Variants in UNC13C observed in about 807,000 individuals in gnomAD.
UNC13C encodes the protein unc-13 homolog C.
UNC13C carries 174 observed loss-of-function variants against 245.4 expected under a neutral mutation model. The ratio of observed to expected loss-of-function variants is 0.71; its 90% CI spans 0.63 to 0.80. The LOEUF is 0.80. Ranked by LOEUF, UNC13C falls within the 30% of genes least tolerant of loss-of-function variation. The pLI is 0.00. For synonymous variants in UNC13C, 992 were observed against 895.1 expected, an observed-to-expected ratio of 1.11 and a Z score of -1.93; for missense variants, 2,829 against 2,602.9, an observed-to-expected ratio of 1.09 and a Z score of -1.89.
intron 19 of UNC13C, among the ~76,000 whole-genome samples, chr15:54,448,398 T>C (rs1890956884): frequency 6.6e-6 from 1 of 152,190 alleles, no homozygotes; most frequent in African/African-American, 2.4e-5. Context: ...ATTATTATTG[T>C]TTGGGAGTCT....
chr15:54,591,728 A>G lies in UNC13C; in HGVS notation c.6106+23781A>G, dbSNP rs147985720. 9.7e-3 allele frequency among the ~76,000 whole-genome samples: 1,473 copies of G among 152,080 alleles called. 25 individuals are homozygous for G. Among genetic ancestry groups the G allele is most frequent in the African/African-American group, 0.034 (1,431 of 41,500 alleles). On this transcript the variant is annotated intron_variant, in intron 30 of 32. Transcript: ENST00000260323. ...GTCCATCAATTTTATTTATCTTTCC[A>G]AATAACCAGCTTTTTTTTTCATTTA...
chr15:53,955,468 T>C, the UNC13C span, among the ~76,000 whole-genome samples: 2 of 152,212 alleles, frequency 1.3e-5, no homozygotes, highest in Non-Finnish European at 1.5e-5. Context: ...TAAGTAGGAA[T>C]TGAGAAAAGT....
At chr15:54,614,088 TA>T (rs779418840) in intron 30 of UNC13C, among the ~76,000 whole-genome samples, 9 of 151,990 alleles carry the variant, frequency 5.9e-5, no homozygotes, top group Non-Finnish European at 1.2e-4. Context: ...TTTTAACTCT[TA>T]ATCAGATACA....
intron 2 of UNC13C, among the ~76,000 whole-genome samples, chr15:54,077,196 C>A (rs1898673230): frequency 6.6e-6 from 1 of 152,008 alleles, no homozygotes; most frequent in Non-Finnish European, 1.5e-5. Flanking sequence ...TAGGCCATTT[C>A]TTACTGAATA....
chr15:54,540,776 A>G (rs1294301080), intron 26 of UNC13C, among the ~76,000 whole-genome samples: 1 of 152,066 alleles, frequency 6.6e-6, no homozygotes, highest in Non-Finnish European at 1.5e-5. Context: ...GCACGTGACA[A>G]TGATTTTATT....
At chr15:54,216,494 T>G (rs2035042656) in intron 4 of UNC13C, among the ~76,000 whole-genome samples, 1 of 151,904 alleles carries the variant, frequency 6.6e-6, no homozygotes, top group Admixed American at 6.6e-5. Flanking sequence ...ATGTGAAAAC[T>G]TTTAAAAAAT....
chr15:54,415,028 T>A lies in UNC13C; in HGVS notation c.4894T>A (p.Trp1632Arg). ...GGGAAAAATAAGTGCCGAAATTATG[T>A]GGACTCTTTTTGCTCTGGATATGAA... ...NMGKISAEIMWTLFALDMKYA... is the reference protein window; with the variant it reads ...NMGKISAEIMRTLFALDMKYA... Residue 1632 changes from tryptophan to arginine, a missense_variant, in exon 19 of 33, where the codon TGG becomes AGG. By Grantham distance (101) the Trp-to-Arg change is moderately radical (BLOSUM62 -3). Coordinates refer to ENST00000260323, the MANE Select transcript of UNC13C (RefSeq NM_001080534.3). 6.2e-7 allele frequency: 1 copy of A among 1,612,870 alleles called. No individual in the cohort carries two copies. The highest frequency in any genetic ancestry group is 8.5e-7 in the Non-Finnish European group (1 of 1,179,440).
chr15:53,877,215 C>G, the UNC13C span, among the ~76,000 whole-genome samples: 2 of 152,046 alleles, frequency 1.3e-5, no homozygotes, highest in African/African-American at 4.8e-5. Flanking sequence ...ATTTGATTAG[C>G]TGAATTATGC....
At chr15:54,151,957 A>G (rs993319502) in intron 4 of UNC13C, among the ~76,000 whole-genome samples, 1 of 152,188 alleles carries the variant, frequency 6.6e-6, no homozygotes, top group Non-Finnish European at 1.5e-5. Flanking sequence ...TCTGTGAGCC[A>G]CTAACTCGAC....
At chr15:53,844,853 T>G in the UNC13C span, among the ~76,000 whole-genome samples, 1 of 152,124 alleles carries the variant, frequency 6.6e-6, no homozygotes, top group Non-Finnish European at 1.5e-5. Context: ...CCTTGAGCTG[T>G]GAGAAGCCAT....
chr15:54,384,078 AC>A (rs1375029496), intron 17 of UNC13C, among the ~76,000 whole-genome samples: 1 of 152,192 alleles, frequency 6.6e-6, no homozygotes, highest in Non-Finnish European at 1.5e-5. Flanking sequence ...AAATGACCAT[AC>A]TACCCAAAGC....
At chr15:53,973,964 G>T (rs964196820), upstream of UNC13C, among the ~76,000 whole-genome samples, 4 of 151,972 alleles carry the variant, frequency 2.6e-5, no homozygotes, top group Admixed American at 2.6e-4. Context: ...TGCTTTACAG[G>T]GGAACCAGTT....
At position 54,222,885 on chromosome 15, in the gene UNC13C, A is replaced by G. The variant is rs575391511; in HGVS notation, c.3072-12145A>G. ...TTTCATATACCTTCTTGCCATTTGT[A>G]TGTCTTCATTGAGAAATGTCTATTC... On this transcript the variant is annotated intron_variant, in intron 4 of 32. Transcript: ENST00000260323. Among the ~76,000 whole-genome samples the G allele has an allele frequency of 9.9e-5, 15 of 152,120 alleles. No homozygotes were observed. The Middle Eastern group carries it at 0.01, about 103-fold the overall frequency.
At chr15:54,016,093 G>C (rs1895644029) in intron 2 of UNC13C, among the ~76,000 whole-genome samples, 1 of 152,140 alleles carries the variant, frequency 6.6e-6, no homozygotes, top group Non-Finnish European at 1.5e-5. Context: ...TATGTTAAAT[G>C]GGTCATATTG....
At chr15:54,485,269 TATCTATTC>T in intron 19 of UNC13C, among the ~76,000 whole-genome samples, 1 of 152,360 alleles carries the variant, frequency 6.6e-6, no homozygotes, top group African/African-American at 2.4e-5. Flanking sequence ...TTCATCCATT[TATCTATTC>T]ATCTATTCAT....
At chr15:54,084,666 A>G (rs1456192424) in intron 2 of UNC13C, among the ~76,000 whole-genome samples, 1 of 152,226 alleles carries the variant, frequency 6.6e-6, no homozygotes, top group Admixed American at 6.5e-5. Context: ...AATATTCAAT[A>G]AGAAAGTATA....
intron 2 of UNC13C, among the ~76,000 whole-genome samples, chr15:54,028,896 TC>T (rs1166267392): frequency 6.6e-6 from 1 of 152,062 alleles, no homozygotes; most frequent in Non-Finnish European, 1.5e-5. Flanking sequence ...GTGCTCCATT[TC>T]CTCACTTAAA....
the UNC13C span, among the ~76,000 whole-genome samples, chr15:53,883,916 G>C: frequency 6.6e-6 from 1 of 152,096 alleles, no homozygotes; most frequent in Non-Finnish European, 1.5e-5. Context: ...TACTTGTATT[G>C]CTCTTCCATC....
chr15:54,497,649 TG>T (rs1409109983), intron 20 of UNC13C, among the ~76,000 whole-genome samples: 1 of 152,112 alleles, frequency 6.6e-6, no homozygotes, highest in African/African-American at 2.4e-5. Flanking sequence ...AAGGGACAAA[TG>T]TTAGAGATCA....
Sources: gnomAD v4.1 joint callset for allele counts (sites outside exome capture counted in the v4.1 genomes callset) on GRCh38, gnomAD v4.1.1 for gene constraint, MANE v1.5 for transcripts, NCBI Gene and HGNC (gene_info 2026-07-23, HGNC 2026-07-21) for gene names.